Variants in MTARC1 observed in about 807,000 individuals in gnomAD.
MTARC1 encodes mitochondrial amidoxime-reducing component 1.
In MTARC1, 24 loss-of-function variants were observed where a neutral mutation model predicts 33.6. The observed-to-expected ratio is 0.72, with a 90% CI of 0.52 to 1.01. MTARC1 has a LOEUF of 1.01. Ranked by LOEUF, MTARC1 falls within the 50% of genes least tolerant of loss-of-function variation. MTARC1 has a pLI of 0.00. For synonymous variants in MTARC1, 187 were observed against 189.5 expected, an observed-to-expected ratio of 0.99 and a Z score of 0.11; for missense variants, 417 against 445.7, an observed-to-expected ratio of 0.94 and a Z score of 0.58.
chr1:220,793,532 C>G (rs1290836298), intron 2 of MTARC1: 1 of 152,164 alleles, frequency 6.6e-6, no homozygotes, highest in Admixed American at 6.5e-5. Flanking sequence ...AACCTATTCT[C>G]TTATGAGGGA....
chr1:220,794,800 G>T (rs1366877862), intron 2 of MTARC1, among the ~76,000 whole-genome samples: 1 of 152,142 alleles, frequency 6.6e-6, no homozygotes. Flanking sequence ...TCAGCCCTCT[G>T]ATTCTCAGGA....
At chr1:220,791,773 G>A in intron 2 of MTARC1, 109 bp downstream of exon 2, 1 of 1,203,052 alleles carries the variant, frequency 8.3e-7, no homozygotes, top group Non-Finnish European at 1.2e-6. Context: ...ATGAACCGTT[G>A]ATTGCATGTG....
At position 220,814,111 on chromosome 1, in the gene MTARC1, G is replaced by T. The variant is rs998776094; in HGVS notation, c.*693G>T. On this transcript the variant is annotated 3_prime_UTR_variant, in exon 7 of 7. Coordinates refer to ENST00000366910, the MANE Select transcript of MTARC1 (RefSeq NM_022746.4). ...CATTCCCCTCAGCTAATGACGGAGT[G>T]CTCCTTCTCCAGTTCCGGGTGAAAA... 1 of 152,260 alleles carries T rather than the reference G, an allele frequency of 6.6e-6. No individual in the cohort carries two copies. Among genetic ancestry groups the T allele is most frequent in the Admixed American group, 6.5e-5 (1 of 15,282 alleles). The allele number at this position is 152,260 out of a possible 1,614,324, so 9.4% of individuals were successfully genotyped here. A position where few individuals can be genotyped will look rare whatever the true frequency, so the allele number is the denominator to read the frequency against.
At position 220,790,141 on chromosome 1, in the gene MTARC1, G is replaced by A. The variant is rs190855890; in HGVS notation, c.276-1350G>A. Reference sequence around the variant, plus strand: ...TTTGATTAAAGCTGCAATAAACATTGATACACAAATGTCTGTTTGAGTTCC... The same window carrying A: ...TTTGATTAAAGCTGCAATAAACATTAATACACAAATGTCTGTTTGAGTTCC... On this transcript the variant is annotated intron_variant, in intron 1 of 6. Coordinates refer to ENST00000366910, the MANE Select transcript of MTARC1 (RefSeq NM_022746.4). Among the ~76,000 whole-genome samples, 333 of 152,282 alleles carry A rather than the reference G, an allele frequency of 2.2e-3. 1 individual carries two copies. Among genetic ancestry groups the A allele is most frequent in the South Asian group, 6.2e-3 (30 of 4,824 alleles).
intron 4 of MTARC1, among the ~76,000 whole-genome samples, chr1:220,801,579 T>C (rs749449011): frequency 6.6e-6 from 1 of 152,052 alleles, no homozygotes; most frequent in Non-Finnish European, 1.5e-5. Context: ...CACAGGGCTA[T>C]GAAGGTATGA....
chr1:220,794,410 T>A (rs1558085591), intron 2 of MTARC1: 1 of 130,170 alleles, frequency 7.7e-6, no homozygotes, highest in East Asian at 2.5e-4. Flanking sequence ...GACATTAAAC[T>A]GCACACACAC....
chr1:220,810,146 A>C (rs1673085041), intron 6 of MTARC1, among the ~76,000 whole-genome samples: 1 of 152,260 alleles, frequency 6.6e-6, no homozygotes, highest in African/African-American at 2.4e-5. Context: ...GCACTAAGGA[A>C]GATTTTAAAT....
At chr1:220,790,439 A>C (rs1440286164) in intron 1 of MTARC1, among the ~76,000 whole-genome samples, 2 of 152,232 alleles carry the variant, frequency 1.3e-5, no homozygotes, top group Admixed American at 1.3e-4. Flanking sequence ...GTAAACTGCC[A>C]TTACCAGGAA....
At chr1:220,812,187 C>T (rs1424237864) in intron 6 of MTARC1, among the ~76,000 whole-genome samples, 1 of 152,152 alleles carries the variant, frequency 6.6e-6, no homozygotes, top group African/African-American at 2.4e-5. Flanking sequence ...CAGTACAATG[C>T]AAAGCAAGGT....
intron 4 of MTARC1, among the ~76,000 whole-genome samples, chr1:220,802,306 C>A (rs1434643739): frequency 1.3e-5 from 2 of 152,096 alleles, no homozygotes; most frequent in Non-Finnish European, 2.9e-5. Flanking sequence ...CCAGCCCCTA[C>A]ACCCTCACCC....
At chr1:220,799,155 A>G (rs939187823) in intron 4 of MTARC1, 15 of 985,320 alleles carry the variant, frequency 1.5e-5, no homozygotes, top group Admixed American at 6.1e-5. Flanking sequence ...AGCAATATCA[A>G]TCGATGGAGG....
intron 1 of MTARC1, among the ~76,000 whole-genome samples, chr1:220,790,332 C>T (rs1672382443): frequency 6.6e-6 from 1 of 152,166 alleles, no homozygotes; most frequent in Non-Finnish European, 1.5e-5. Flanking sequence ...GGGCTGGGCA[C>T]GCCCTTGTTT....
intron 1 of MTARC1, among the ~76,000 whole-genome samples, chr1:220,789,373 AT>A (rs904273566): frequency 6.6e-6 from 1 of 152,294 alleles, no homozygotes; most frequent in African/African-American, 2.4e-5. Context: ...CCTGGGCCAC[AT>A]TGGAAGAAGA....
rs191885898 is a variant in MTARC1 at position 220,815,874 on chromosome 1, C to G, written c.*2456C>G. 1.4e-4 allele frequency: 21 copies of G among 152,302 alleles called. No homozygotes were observed. The highest frequency in any genetic ancestry group is 5.1e-4 in the African/African-American group (21 of 41,562). 9.4% of individuals were successfully genotyped at this position (152,302 alleles called of 1,614,324 possible). A position where few individuals can be genotyped will look rare whatever the true frequency, so the allele number is the denominator to read the frequency against. On this transcript the variant is annotated 3_prime_UTR_variant, in exon 7 of 7. Transcript: ENST00000366910. The stretch of plus-strand genomic sequence containing the variant: ...TTATGCTGCAGCCACAGTGGGGAGT[C>G]ACAAACTCAGAGCTGGAGGTCTTGA...
chr1:220,789,065 C>G (rs761738827), intron 1 of MTARC1, among the ~76,000 whole-genome samples: 3 of 147,486 alleles, frequency 2.0e-5, no homozygotes, highest in Non-Finnish European at 3.0e-5. Flanking sequence ...CTAGACTAAA[C>G]AGAGGTTGTG....
rs1024807425 is a variant in MTARC1, at chr1:220,818,826, C to T, written c.*5408C>T. Reference sequence around the variant, plus strand: ...GGGTTGAAGGGAGGAGCACCTTCCACATGACCTGCCCAGCAATTAAAGCCG... The same window carrying T: ...GGGTTGAAGGGAGGAGCACCTTCCATATGACCTGCCCAGCAATTAAAGCCG... On this transcript the variant is annotated 3_prime_UTR_variant, in exon 7 of 7. Transcript: ENST00000366910. 2.0e-5 allele frequency: 3 copies of T among 152,238 alleles called. No homozygotes were observed. The highest frequency in any genetic ancestry group is 7.2e-5 in the African/African-American group (3 of 41,458). The allele number at this position is 152,238 out of a possible 1,614,324, so 9.4% of individuals were successfully genotyped here.
Position 220,813,727 on chromosome 1 carries a change from C to T in MTARC1, c.*309C>T, listed in dbSNP as rs1009349127. On this transcript the variant is annotated 3_prime_UTR_variant, in exon 7 of 7. Transcript: ENST00000366910. ...TTCTCCTGCTTCTCCGTTTATCTAC[C>T]AAGAGCGCAGACTTGCATCCTGTCA... 3.4e-6 allele frequency: 1 copy of T among 295,048 alleles called. No individual in the cohort carries two copies. The highest frequency in any genetic ancestry group is 6.6e-6 in the Non-Finnish European group (1 of 152,406). 18.3% of individuals were successfully genotyped at this position (295,048 alleles called of 1,614,324 possible). A position where few individuals can be genotyped will look rare whatever the true frequency, so the allele number is the denominator to read the frequency against.
intron 6 of MTARC1, among the ~76,000 whole-genome samples, chr1:220,812,109 G>T (rs1005090059): frequency 1.4e-4 from 22 of 152,204 alleles, no homozygotes; most frequent in Admixed American, 9.2e-4. Flanking sequence ...CTTGAGGCAG[G>T]TACAATTCTA....
chr1:220,813,230 CGT>C, intron 6 of MTARC1, 60 bp from the exon 7 acceptor site: 1 of 1,610,734 alleles, frequency 6.2e-7, no homozygotes, highest in Non-Finnish European at 8.5e-7. Context: ...ATGGAAGCCA[CGT>C]GCTGGTTGAG....
Sources: gnomAD v4.1 joint callset for allele counts (sites outside exome capture counted in the v4.1 genomes callset) on GRCh38, gnomAD v4.1.1 for gene constraint, MANE v1.5 for transcripts, NCBI Gene and HGNC (gene_info 2026-07-23, HGNC 2026-07-21) for gene names.